Variants in ARHGAP19 observed in about 807,000 individuals in gnomAD.
ARHGAP19 encodes Rho GTPase activating protein 19, also known as rho GTPase-activating protein 19.
Under a neutral mutation model 60.9 loss-of-function variants are expected in ARHGAP19, and 48 were observed. That is an observed-to-expected ratio of 0.79 (90% confidence interval 0.62 to 1.00). ARHGAP19 has a LOEUF of 1.00. ARHGAP19 is among the 50% of genes least tolerant of loss of function. The probability of loss-of-function intolerance (pLI) is 0.00; values close to 1 mark genes in which losing one functional copy is unlikely to be tolerated. For synonymous variants in ARHGAP19, 209 were observed against 215.5 expected (o/e 0.97, Z 0.27); for missense variants, 562 against 597.2 (o/e 0.94, Z 0.61).
intron 7 of ARHGAP19, among the ~76,000 whole-genome samples, chr10:97,245,920 TGTG>T (rs1842556954): frequency 1.3e-5 from 2 of 151,898 alleles, no homozygotes; most frequent in South Asian, 4.2e-4. Flanking sequence ...AAATAAAAAT[TGTG>T]GGGGGGAGGC....
intron 1 of ARHGAP19, among the ~76,000 whole-genome samples, chr10:97,278,288 A>G (rs1222005501): frequency 6.6e-6 from 1 of 152,240 alleles, no homozygotes; most frequent in Admixed American, 6.5e-5. Flanking sequence ...TTTGTTCAAC[A>G]GGAAAATTTT....
Position 97,263,630 on chromosome 10 carries a change from C to T in ARHGAP19, c.404-1G>A, listed in dbSNP as rs1842860521. 3 of 1,613,992 alleles carry T rather than the reference C, an allele frequency of 1.9e-6. No homozygotes were observed. The East Asian group carries it at 6.7e-5, about 36-fold the overall frequency. On this transcript the variant is annotated splice_acceptor_variant, in intron 3 of 11. Coordinates refer to ENST00000358531, the MANE Select transcript of ARHGAP19 (RefSeq NM_032900.6). LOFTEE classifies it high-confidence loss of function. ...CTAAACAAACCCTCTACTCGCAAGT[C>T]TGTTTAGCATAAAACAAAGCAGAGG... is the stretch of plus-strand genomic sequence containing the variant.
chr10:97,251,438 G>A (rs1254292369), intron 6 of ARHGAP19, among the ~76,000 whole-genome samples: 1 of 23,298 alleles, frequency 4.3e-5, no homozygotes, highest in African/African-American at 1.9e-4. Context: ...AGGGGAAGGG[G>A]AGGAGACGGG....
chr10:97,226,747 T>C (rs1183442334), intron 11 of ARHGAP19, among the ~76,000 whole-genome samples: 1 of 152,240 alleles, frequency 6.6e-6, no homozygotes, highest in Non-Finnish European at 1.5e-5. Flanking sequence ...TCATACTAAG[T>C]GTCAATATTT....
At chr10:97,262,179 TA>T (rs397847442) in intron 4 of ARHGAP19, among the ~76,000 whole-genome samples, 5,646 of 135,610 alleles carry the variant, frequency 0.042, 177 homozygotes, top group East Asian at 0.15. Context: ...GGCTTTCTTT[TA>T]AAAAAAAAAA....
At position 97,290,263 on chromosome 10, in the gene ARHGAP19, C is replaced by T. The variant is rs547604156; in HGVS notation, c.56+2309G>A. 2.9e-5 allele frequency among the ~76,000 whole-genome samples: 4 copies of T among 140,168 alleles called. No individual in the cohort carries two copies. The South Asian group carries it at 8.5e-4, about 30-fold the overall frequency. The allele number at this position is 140,168 out of a possible 152,430, so 92.0% of individuals were successfully genotyped here. On this transcript the variant is annotated intron_variant, in intron 1 of 11. Coordinates refer to ENST00000358531, the MANE Select transcript of ARHGAP19 (RefSeq NM_032900.6). ...GCCGCTGTCGCAGACCCGCCGCTGA[C>T]TCCCATCCCGCTGCTGACTCCCATC...
rs1850857872 is a variant in ARHGAP19 at position 97,224,357 on chromosome 10, A to G, written c.*1765T>C. The stretch of plus-strand genomic sequence containing the variant: ...TAAGAAAAAAAAAGTCAAATATTTA[A>G]TAGAAACCTACGCAAACGAATTTGC... On this transcript the variant is annotated 3_prime_UTR_variant, in exon 12 of 12. Transcript: ENST00000358531. 1 of 152,260 alleles carries G rather than the reference A, an allele frequency of 6.6e-6. No individual in the cohort carries two copies. Among genetic ancestry groups the G allele is most frequent in the Admixed American group, 6.5e-5 (1 of 15,286 alleles). The allele number at this position is 152,260 out of a possible 1,614,324, so 9.4% of individuals were successfully genotyped here.
At position 97,231,059 on chromosome 10, in the gene ARHGAP19, C is replaced by CAAAAAAAAAAAAAAAA. The variant is rs869291841; in HGVS notation, c.1285-1201_1285-1186dup. Among the ~76,000 whole-genome samples the CAAAAAAAAAAAAAAAA allele has an allele frequency of 4.2e-4, 25 of 59,764 alleles. 1 individual carries two copies. Among genetic ancestry groups the CAAAAAAAAAAAAAAAA allele is most frequent in the South Asian group, 9.5e-4 (1 of 1,054 alleles). The allele number at this position is 59,764 out of a possible 152,430, so 39.2% of individuals were successfully genotyped here. On this transcript the variant is annotated intron_variant, in intron 9 of 11. Transcript: ENST00000358531. ...ACACCTAGTGAGACTCTTGTCTCAC[C>CAAAAAAAAAAAAAAAA]AAAAAAAAAAAAAAAAAAAAAAAAA...
intron 7 of ARHGAP19, among the ~76,000 whole-genome samples, 160 bp downstream of exon 7, chr10:97,246,112 T>C (rs1348813919): frequency 6.6e-6 from 1 of 152,220 alleles, no homozygotes. Context: ...AACTTACTTC[T>C]TAGTCTTCTT....
chr10:97,243,349 G>A (rs1842517325), intron 8 of ARHGAP19, among the ~76,000 whole-genome samples: 4 of 152,158 alleles, frequency 2.6e-5, no homozygotes, highest in African/African-American at 9.6e-5. Flanking sequence ...TCTTGAGAAA[G>A]AAACTACCCA....
chr10:97,283,469 G>A (rs1462490603), intron 1 of ARHGAP19, among the ~76,000 whole-genome samples: 1 of 151,926 alleles, frequency 6.6e-6, no homozygotes, highest in African/African-American at 2.4e-5. Context: ...CAGGAGAACT[G>A]CTTGAACCCA....
chr10:97,231,641 T>C (rs1851019583), intron 9 of ARHGAP19, among the ~76,000 whole-genome samples: 2 of 152,202 alleles, frequency 1.3e-5, no homozygotes, highest in Admixed American at 1.3e-4. Context: ...TCAGAATTTC[T>C]TTCCTTTTTA....
intron 1 of ARHGAP19, among the ~76,000 whole-genome samples, chr10:97,273,787 C>A (rs998165008): frequency 2.0e-5 from 3 of 152,082 alleles, no homozygotes; most frequent in Non-Finnish European, 4.4e-5. Flanking sequence ...CCACACCCGA[C>A]CCACAACATT....
intron 3 of ARHGAP19, among the ~76,000 whole-genome samples, chr10:97,264,286 T>C (rs1842868983): frequency 6.6e-6 from 1 of 151,994 alleles, no homozygotes; most frequent in Non-Finnish European, 1.5e-5. Context: ...ATCCCATCTC[T>C]ACAAAAAACT....
At chr10:97,238,604 T>C (rs1229347847) in intron 8 of ARHGAP19, among the ~76,000 whole-genome samples, 1 of 152,214 alleles carries the variant, frequency 6.6e-6, no homozygotes, top group African/African-American at 2.4e-5. Context: ...AGCATAAAGA[T>C]ATTCAGAAAA....
intron 1 of ARHGAP19, among the ~76,000 whole-genome samples, chr10:97,273,484 CTTTT>C (rs11442502): frequency 1.8e-4 from 17 of 92,520 alleles, no homozygotes; most frequent in Middle Eastern, 0.01. Flanking sequence ...TTTCTGCTCT[CTTTT>C]TTTTTTTTTT....
chr10:97,229,942 C>A, intron 9 of ARHGAP19, 68 bp from the exon 10 acceptor site: 1 of 1,139,154 alleles, frequency 8.8e-7, no homozygotes, highest in Non-Finnish European at 1.3e-6. Flanking sequence ...CTATACTAGC[C>A]TTCAAAACTG....
intron 8 of ARHGAP19, among the ~76,000 whole-genome samples, chr10:97,239,551 G>GGTGT (rs201308961): frequency 0.011 from 228 of 20,274 alleles, 2 homozygotes; most frequent in African/African-American, 0.015. Flanking sequence ...AGAGAGAGAG[G>GGTGT]GTGTGTGTGT....
intron 6 of ARHGAP19, among the ~76,000 whole-genome samples, chr10:97,255,058 T>C (rs1397836512): frequency 6.6e-6 from 1 of 152,066 alleles, no homozygotes; most frequent in Non-Finnish European, 1.5e-5. Flanking sequence ...TTGCCAAGGA[T>C]GGGAGGAGGG....
Sources: allele counts gnomAD v4.1 joint callset (sites outside exome capture counted in the v4.1 genomes callset), GRCh38; gene constraint gnomAD v4.1.1; transcripts MANE v1.5; gene names NCBI Gene and HGNC (gene_info 2026-07-23, HGNC 2026-07-21).